The following SMIM8 variants were observed in gnomAD, a reference collection of about 807,000 sequenced individuals.
SMIM8 encodes the protein UPF0708 protein C6orf162.
Under a neutral mutation model 8.1 loss-of-function variants are expected in SMIM8, and 8 were observed. The observed-to-expected ratio is 0.99, with a 90% CI of 0.58 to 1.78. The LOEUF (loss-of-function observed/expected upper bound fraction) is 1.78, where lower values mean the gene tolerates loss of function less well. Ranked by LOEUF, SMIM8 falls within the 40% of genes most tolerant of loss-of-function variation. The probability of loss-of-function intolerance (pLI) is 0.00; values close to 1 mark genes in which losing one functional copy is unlikely to be tolerated. For missense variants in SMIM8, 126 were observed against 119.8 expected (o/e 1.05, Z -0.24); for synonymous variants, 45 against 39.7 (o/e 1.13, Z -0.50).
intron 1 of SMIM8, among the ~76,000 whole-genome samples, chr6:87,323,619 G>A (rs1776730141): frequency 6.6e-6 from 1 of 151,900 alleles, no homozygotes; most frequent in Non-Finnish European, 1.5e-5. Flanking sequence ...ATTTTTTATG[G>A]CTGCATAGTA....
intron 1 of SMIM8, among the ~76,000 whole-genome samples, chr6:87,325,734 G>T (rs1331180083): frequency 6.6e-6 from 1 of 151,814 alleles, no homozygotes; most frequent in Non-Finnish European, 1.5e-5. Context: ...TCTCTTTTTT[G>T]GTTGTGTCTC....
intron 2 of SMIM8, among the ~76,000 whole-genome samples, chr6:87,332,151 A>G (rs1274279877): frequency 6.6e-6 from 1 of 152,066 alleles, no homozygotes; most frequent in Non-Finnish European, 1.5e-5. Flanking sequence ...AGTCATCACA[A>G]TTAGTGTTAG....
Position 87,340,097 on chromosome 6 carries a change from A to ATT in SMIM8, c.136-11_136-10dup. 1 of 1,514,846 alleles carries ATT rather than the reference A, an allele frequency of 6.6e-7. No individual in the cohort carries two copies. Among genetic ancestry groups the ATT allele is most frequent in the Non-Finnish European group, 8.8e-7 (1 of 1,136,056 alleles). 93.8% of individuals were successfully genotyped at this position (1,514,846 alleles called of 1,614,324 possible). On this transcript the variant is annotated intron_variant, in intron 3 of 3. Coordinates refer to ENST00000392863, the MANE Select transcript of SMIM8 (RefSeq NM_001042493.3). ...TTGTTAGTCTTACTAAAGCTTTATA[A>ATT]TTTTTTTTTCTTTGACAGAACAAAC...
chr6:87,331,684 T>G (rs796815734), intron 2 of SMIM8, among the ~76,000 whole-genome samples: 23 of 152,332 alleles, frequency 1.5e-4, no homozygotes, highest in African/African-American at 5.5e-4. Context: ...CTCAGTAATC[T>G]GAATTTTTTT....
chr6:87,338,360 T>C (rs1777155776), intron 3 of SMIM8, among the ~76,000 whole-genome samples: 2 of 152,142 alleles, frequency 1.3e-5, no homozygotes, highest in Non-Finnish European at 2.9e-5. Context: ...TGGGAAGCAC[T>C]CTGGAGAGCA....
At chr6:87,332,344 A>ATATATATATATATATATATATAT (rs1490339070) in intron 2 of SMIM8, among the ~76,000 whole-genome samples, 1 of 143,336 alleles carries the variant, frequency 7.0e-6, no homozygotes, top group African/African-American at 2.7e-5. Context: ...TATATATATA[A>ATATATATATATATATATATATAT]ATGACAGCAG....
intron 2 of SMIM8, among the ~76,000 whole-genome samples, chr6:87,331,400 A>C (rs866192558): frequency 6.6e-6 from 1 of 152,248 alleles, no homozygotes; most frequent in Non-Finnish European, 1.5e-5. Context: ...CTTCAGGATT[A>C]AAAGTTTACT....
chr6:87,332,319 C>CA (rs1562223234), intron 2 of SMIM8, among the ~76,000 whole-genome samples: 1 of 97,304 alleles, frequency 1.0e-5, no homozygotes, highest in African/African-American at 4.6e-5. Flanking sequence ...TCCTCCCCCC[C>CA]CATATATGTA....
chr6:87,332,086 A>G (rs1001074424), intron 2 of SMIM8, among the ~76,000 whole-genome samples: 4 of 152,078 alleles, frequency 2.6e-5, no homozygotes, highest in Non-Finnish European at 4.4e-5. Context: ...TTATAAAGGA[A>G]ATATAGGTTC....
In SMIM8 at chr6:87,340,369, G is replaced by T; in HGVS notation, c.*95G>T. 1 of 1,232,974 alleles carries T rather than the reference G, an allele frequency of 8.1e-7. No homozygotes were observed. The highest frequency in any genetic ancestry group is 1.0e-6 in the Non-Finnish European group (1 of 953,438). The allele number at this position is 1,232,974 out of a possible 1,614,324, so 76.4% of individuals were successfully genotyped here. On this transcript the variant is annotated 3_prime_UTR_variant, in exon 4 of 4. Coordinates refer to ENST00000392863, the MANE Select transcript of SMIM8 (RefSeq NM_001042493.3). ...GTACAGTATCATGTTTCTTGTTCTAGAACATGCTAATGAAGAGAGAAGATA... is the reference window on the plus strand; with the variant it reads ...GTACAGTATCATGTTTCTTGTTCTATAACATGCTAATGAAGAGAGAAGATA...
chr6:87,334,646 C>T (rs1025386779), intron 2 of SMIM8, among the ~76,000 whole-genome samples: 2 of 152,118 alleles, frequency 1.3e-5, no homozygotes, highest in African/African-American at 4.8e-5. Flanking sequence ...GTTCTTGTTA[C>T]CTTATCATAT....
rs76960238 is a variant in SMIM8 at position 87,334,782 on chromosome 6, C to T, written c.-23-2227C>T. ...TAACTCTCAGTGCTTCAGAAATGTT[C>T]CTCCGTGATTACCAAGCCAATACAC... On this transcript the variant is annotated intron_variant, in intron 2 of 3. Coordinates refer to ENST00000392863, the MANE Select transcript of SMIM8 (RefSeq NM_001042493.3). Among the ~76,000 whole-genome samples, 978 of 152,312 alleles carry T rather than the reference C, an allele frequency of 6.4e-3. 4 individuals carry two copies. Among genetic ancestry groups the T allele is most frequent in the Non-Finnish European group, 0.011 (741 of 68,020 alleles).
chr6:87,337,056 A>C lies in SMIM8; in HGVS notation c.25A>C (p.Thr9Pro). The change falls in exon 3 of 4, where the codon ACA (threonine) becomes CCA (proline). Residue 9 changes from threonine (T) to proline (P), a missense_variant. Physicochemically the swap from Thr to Pro is conservative, Grantham distance 38. Transcript: ENST00000392863. MSSAPEPP[T>P]FKKEPPKEKE... ...GATGTCTTCAGCACCTGAGCCTCCA[A>C]CATTCAAAAAGGAACCACCCAAAGA... is the stretch of plus-strand genomic sequence containing the variant. The C allele has an allele frequency of 6.2e-7, 1 of 1,612,124 alleles. No homozygotes were observed. Among genetic ancestry groups the C allele is most frequent in the Non-Finnish European group, 8.5e-7 (1 of 1,178,964 alleles).
chr6:87,327,304 G>A (rs1278602762), intron 1 of SMIM8, among the ~76,000 whole-genome samples: 2 of 150,714 alleles, frequency 1.3e-5, no homozygotes, highest in African/African-American at 4.9e-5. Context: ...ATTTGATCCT[G>A]TCATTATGTT....
chr6:87,323,609 A>C lies in SMIM8; in HGVS notation c.-45+977A>C, dbSNP rs534070250. ...TCCCTACAAAGGACATGAACTCATC[A>C]TTTTTTATGGCTGCATAGTATTACA... On this transcript the variant is annotated intron_variant, in intron 1 of 3. Transcript: ENST00000392863. Among the ~76,000 whole-genome samples the C allele has an allele frequency of 4.0e-3, 608 of 152,058 alleles. 5 individuals carry two copies. Among genetic ancestry groups the C allele is most frequent in the African/African-American group, 0.014 (592 of 41,470 alleles).
At chr6:87,339,271 C>CAG (rs1777170009) in intron 3 of SMIM8, among the ~76,000 whole-genome samples, 3 of 152,044 alleles carry the variant, frequency 2.0e-5, no homozygotes, top group Middle Eastern at 6.8e-3. Flanking sequence ...CACTGCACTC[C>CAG]AGCCTGGGCA....
chr6:87,339,325 C>CGTGT (rs59321615), intron 3 of SMIM8, among the ~76,000 whole-genome samples: 1,411 of 124,142 alleles, frequency 0.011, 18 homozygotes, highest in Non-Finnish European at 0.013. Flanking sequence ...CAAAACACAG[C>CGTGT]GTGTGTGTGT....
chr6:87,328,564 G>GGGGGTCA (rs1459552958), intron 1 of SMIM8, among the ~76,000 whole-genome samples: 3 of 151,926 alleles, frequency 2.0e-5, no homozygotes, highest in Admixed American at 1.3e-4. Context: ...TAGGCTGCTC[G>GGGGGTCA]GGGGTCAGGG....
At chr6:87,339,084 C>G (rs1777167414) in intron 3 of SMIM8, among the ~76,000 whole-genome samples, 1 of 151,980 alleles carries the variant, frequency 6.6e-6, no homozygotes, top group Non-Finnish European at 1.5e-5. Flanking sequence ...GTGGGCGGAT[C>G]ACTTGAAGTC....
Sources: allele counts gnomAD v4.1 joint callset (sites outside exome capture counted in the v4.1 genomes callset), GRCh38; gene constraint gnomAD v4.1.1; transcripts MANE v1.5; gene names NCBI Gene and HGNC (gene_info 2026-07-23, HGNC 2026-07-21).